Variants in PCDHA3 observed in about 807,000 individuals in gnomAD.
PCDHA3 encodes protocadherin alpha 3.
A neutral mutation model predicts 62.2 loss-of-function variants in PCDHA3; 41 were observed. The ratio of observed to expected loss-of-function variants is 0.66; its 90% CI spans 0.51 to 0.86. The LOEUF is 0.86. PCDHA3 is among the 40% of genes least tolerant of loss of function. PCDHA3 has a pLI of 0.00. For missense variants in PCDHA3, 1,304 were observed against 1,241.2 expected (o/e 1.05, Z -0.76); for synonymous variants, 640 against 555.4 (o/e 1.15, Z -2.14).
rs1032045343 is a variant in PCDHA3 at position 140,949,549 on chromosome 5, G to A, written c.2395-29400G>A. On this transcript the variant is annotated intron_variant, in intron 1 of 3. Transcript: ENST00000522353. Reference sequence around the variant, plus strand: ...CTTCATAAAATATCGATTTGTTGCTGGTCATACTTTTTTTCTTGTAGTAGC... The same window carrying A: ...CTTCATAAAATATCGATTTGTTGCTAGTCATACTTTTTTTCTTGTAGTAGC... Among the ~76,000 whole-genome samples the A allele has an allele frequency of 2.0e-5, 3 of 151,684 alleles. No homozygotes were observed. In the South Asian group the frequency reaches 6.2e-4, roughly 31 times the overall value.
At chr5:140,856,553 T>TAC (rs1455018619) in intron 1 of PCDHA3, 2 of 1,598,066 alleles carry the variant, frequency 1.3e-6, no homozygotes, top group African/African-American at 2.7e-5. Flanking sequence ...ATTGCTTACT[T>TAC]ACAAACTCAG....
intron 1 of PCDHA3, among the ~76,000 whole-genome samples, chr5:140,955,497 A>T (rs879951352): frequency 2.0e-5 from 3 of 152,100 alleles, no homozygotes; most frequent in Non-Finnish European, 4.4e-5. Flanking sequence ...CCACCATGTG[A>T]AGAAAGACGT....
chr5:140,966,561 G>C (rs2153747879), intron 1 of PCDHA3: 1 of 488,962 alleles, frequency 2.0e-6, no homozygotes, highest in Non-Finnish European at 3.4e-6. Context: ...GGAGGAGCTG[G>C]AATATGGGGA....
chr5:140,944,472 G>C (rs1554216383), intron 1 of PCDHA3, among the ~76,000 whole-genome samples: 2 of 152,220 alleles, frequency 1.3e-5, no homozygotes, highest in Non-Finnish European at 2.9e-5. Context: ...CAGGTATGAG[G>C]CACTGGACTG....
At chr5:140,868,865 G>A (rs1554162260) in intron 1 of PCDHA3, 2 of 582,344 alleles carry the variant, frequency 3.4e-6, no homozygotes. Context: ...GGTAAATGCA[G>A]TGCACAGTAC....
rs151198566 is a variant in PCDHA3 at position 140,817,886 on chromosome 5, C to A, written c.2394+14295C>A. Reference sequence around the variant, plus strand: ...GGGTATTGAATGAAAGTTATTTTTGCCAGCACTTTTAAGATGACATTCCAT... The same window carrying A: ...GGGTATTGAATGAAAGTTATTTTTGACAGCACTTTTAAGATGACATTCCAT... On this transcript the variant is annotated intron_variant, in intron 1 of 3. Coordinates refer to ENST00000522353, the MANE Select transcript of PCDHA3 (RefSeq NM_018906.3). Among the ~76,000 whole-genome samples, 142 of 152,234 alleles carry A rather than the reference C, an allele frequency of 9.3e-4. 1 individual carries two copies. The highest frequency in any genetic ancestry group is 3.3e-3 in the African/African-American group (137 of 41,540).
At chr5:140,988,625 T>A (rs1406223989) in intron 3 of PCDHA3, among the ~76,000 whole-genome samples, 1 of 152,176 alleles carries the variant, frequency 6.6e-6, no homozygotes, top group Non-Finnish European at 1.5e-5. Context: ...AATGGAGATG[T>A]CCTGGTTTTC....
chr5:140,849,445 A>G, intron 1 of PCDHA3: 1 of 1,585,774 alleles, frequency 6.3e-7, no homozygotes, highest in South Asian at 1.1e-5. Flanking sequence ...AGAGCACACA[A>G]GATCCCAGTC....
At chr5:140,870,390 G>T (rs377600629) in intron 1 of PCDHA3, 248 of 1,614,112 alleles carry the variant, frequency 1.5e-4, no homozygotes, top group Non-Finnish European at 1.8e-4. Context: ...CGCGGGATGG[G>T]GGTTCGCCTT....
intron 1 of PCDHA3, among the ~76,000 whole-genome samples, chr5:140,896,952 T>G (rs2153454853): frequency 6.6e-6 from 1 of 152,352 alleles, no homozygotes; most frequent in East Asian, 1.9e-4. Context: ...GCCATTCCCT[T>G]AAACATTTAT....
chr5:140,906,816 G>A (rs574852506), intron 1 of PCDHA3, among the ~76,000 whole-genome samples: 6 of 152,360 alleles, frequency 3.9e-5, no homozygotes, highest in African/African-American at 1.4e-4. Context: ...TACCTCCACT[G>A]TGGAGTAGTA....
chr5:140,823,818 G>A (rs1767884278), intron 1 of PCDHA3: 2 of 1,613,678 alleles, frequency 1.2e-6, no homozygotes, highest in Non-Finnish European at 1.7e-6. Context: ...CATCGCGGGC[G>A]TCGGCGGGCG....
intron 1 of PCDHA3, chr5:140,858,792 T>C (rs1554152021): frequency 2.6e-6 from 1 of 385,722 alleles, no homozygotes; most frequent in Admixed American, 4.5e-5. Context: ...GTTATTTCAT[T>C]TCCAATCTAA....
chr5:140,826,537 T>C (rs1413991226), intron 1 of PCDHA3, among the ~76,000 whole-genome samples: 1 of 152,182 alleles, frequency 6.6e-6, no homozygotes, highest in Non-Finnish European at 1.5e-5. Context: ...GTCTTATTGG[T>C]GACTCTATTT....
At chr5:140,858,045 T>A (rs2150410176) in intron 1 of PCDHA3, 2 of 1,597,338 alleles carry the variant, frequency 1.3e-6, no homozygotes, top group Non-Finnish European at 1.7e-6. Flanking sequence ...ACTGTGCTTG[T>A]GTCGCTTGTG....
At chr5:140,918,046 G>A (rs1159911161) in intron 1 of PCDHA3, among the ~76,000 whole-genome samples, 2 of 152,006 alleles carry the variant, frequency 1.3e-5, no homozygotes, top group African/African-American at 4.8e-5. Flanking sequence ...CTTTCCATTT[G>A]TTTTATCATC....
At chr5:140,876,567 G>A (rs782286416) in intron 1 of PCDHA3, 1 of 1,614,186 alleles carries the variant, frequency 6.2e-7, no homozygotes, top group Non-Finnish European at 8.5e-7. Context: ...ATGCTCAGGT[G>A]GGTACCGTCA....
In PCDHA3 at chr5:140,803,246, C is replaced by G. The variant is rs1554122670; in HGVS notation, c.2049C>G (p.Ser683=). The G allele has an allele frequency of 1.9e-6, 3 of 1,613,836 alleles. No homozygotes were observed. Residue 683 remains serine, a synonymous_variant, in exon 1 of 4, where the codon TCC becomes TCG. Coordinates refer to ENST00000522353, the MANE Select transcript of PCDHA3 (RefSeq NM_018906.3). ...GQAPKASSQA[S]AGATGPEAAL... is the part of the protein sequence containing the mutation. ...CACCCAAGGCCTCGTCCCAGGCGTC[C>G]GCTGGCGCCACGGGCCCGGAAGCTG...
chr5:140,807,023 A>G (rs1763831749), intron 1 of PCDHA3: 3 of 827,224 alleles, frequency 3.6e-6, no homozygotes, highest in South Asian at 3.6e-5. Flanking sequence ...ACATGAGAGA[A>G]GGAGGAAGAA....
Sources: gnomAD v4.1 joint callset for allele counts (sites outside exome capture counted in the v4.1 genomes callset) on GRCh38, gnomAD v4.1.1 for gene constraint, MANE v1.5 for transcripts, NCBI Gene and HGNC (gene_info 2026-07-23, HGNC 2026-07-21) for gene names.